Variants in CPED1 observed in about 807,000 individuals in gnomAD.
CPED1 encodes cadherin-like and PC-esterase domain-containing protein 1.
Under a neutral mutation model 128.2 loss-of-function variants are expected in CPED1, and 114 were observed. The ratio of observed to expected loss-of-function variants is 0.89; its 90% CI spans 0.76 to 1.04. The LOEUF is 1.04. Ranked by LOEUF, CPED1 falls within the 50% of genes least tolerant of loss-of-function variation. The pLI is 0.00. For synonymous variants in CPED1, 462 were observed against 426.7 expected (o/e 1.08, Z -1.02); for missense variants, 1,211 against 1,207.1 (o/e 1.00, Z -0.05).
chr7:121,120,977 AAAAAAAAAAAC>A (rs1418955183), intron 7 of CPED1, among the ~76,000 whole-genome samples: 2 of 150,416 alleles, frequency 1.3e-5, no homozygotes. Context: ...AAAAAAAAAA[AAAAAAAAAAAC>A]AAAAAAACTC....
chr7:121,256,217 A>T lies in CPED1; in HGVS notation c.2311-10010A>T, dbSNP rs568916492. Among the ~76,000 whole-genome samples, 95 of 152,042 alleles carry T rather than the reference A, an allele frequency of 6.2e-4. 1 individual carries two copies. The highest frequency in any genetic ancestry group is 2.1e-3 in the African/African-American group (89 of 41,506). On this transcript the variant is annotated intron_variant, in intron 18 of 22. Coordinates refer to ENST00000310396, the MANE Select transcript of CPED1 (RefSeq NM_024913.5). Reference sequence around the variant, plus strand: ...GCTGCAATAACCAAAACAACATGGTACTGACTCAAAACCAGACACATAGAC... The same window carrying T: ...GCTGCAATAACCAAAACAACATGGTTCTGACTCAAAACCAGACACATAGAC...
chr7:121,261,387 G>T (rs915823749), intron 18 of CPED1, among the ~76,000 whole-genome samples: 2 of 152,020 alleles, frequency 1.3e-5, no homozygotes, highest in Non-Finnish European at 2.9e-5. Context: ...TGAACAGAGG[G>T]TTTAGTTTTT....
At chr7:121,080,069 A>G (rs1040007988) in intron 5 of CPED1, among the ~76,000 whole-genome samples, 7 of 152,214 alleles carry the variant, frequency 4.6e-5, no homozygotes, top group Non-Finnish European at 1.0e-4. Context: ...TGTCTGTATA[A>G]TACCAAAACA....
rs151309970 is a variant in CPED1 at position 121,273,277 on chromosome 7, C to G, written c.2868+1847C>G. The stretch of plus-strand genomic sequence containing the variant: ...GTAGCTCACACCTGTAATCTCAGCA[C>G]TTTGGGAGGCTGAGGCGGGTGGATC... On this transcript the variant is annotated intron_variant, in intron 22 of 22. Coordinates refer to ENST00000310396, the MANE Select transcript of CPED1 (RefSeq NM_024913.5). 7.8e-3 allele frequency among the ~76,000 whole-genome samples: 1,180 copies of G among 152,128 alleles called. 12 individuals are homozygous for G. Among genetic ancestry groups the G allele is most frequent in the South Asian group, 0.018 (88 of 4,810 alleles).
rs558240195 is a variant in CPED1 at position 121,103,927 on chromosome 7, T to TA, written c.918+3841dup. On this transcript the variant is annotated intron_variant, in intron 7 of 22. Coordinates refer to ENST00000310396, the MANE Select transcript of CPED1 (RefSeq NM_024913.5). Reference sequence around the variant, plus strand: ...TTATCTGTTAAAGCTTTGGAGAGAGTAAAAAAAATCAAGAAATGCAAATTT... The same window carrying TA: ...TTATCTGTTAAAGCTTTGGAGAGAGTAAAAAAAAATCAAGAAATGCAAATTT... 2.5e-4 allele frequency among the ~76,000 whole-genome samples: 38 copies of TA among 151,832 alleles called. No individual in the cohort carries two copies. The South Asian group carries it at 4.4e-3, about 17-fold the overall frequency.
intron 16 of CPED1, among the ~76,000 whole-genome samples, chr7:121,152,782 CTTAAA>C (rs1394083519): frequency 6.6e-6 from 1 of 152,040 alleles, no homozygotes; most frequent in Non-Finnish European, 1.5e-5. Flanking sequence ...TTTCAAATTT[CTTAAA>C]TTTAAGTTTA....
At chr7:121,171,401 C>T (rs774912555) in intron 16 of CPED1, among the ~76,000 whole-genome samples, 3 of 152,140 alleles carry the variant, frequency 2.0e-5, no homozygotes, top group Non-Finnish European at 4.4e-5. Flanking sequence ...GTCCAATTAG[C>T]TAGTAAATTT....
chr7:121,172,304 A>G (rs1484469833), intron 16 of CPED1, among the ~76,000 whole-genome samples: 1 of 152,184 alleles, frequency 6.6e-6, no homozygotes, highest in Admixed American at 6.5e-5. Context: ...TTAGTTTACA[A>G]TGCGAAGCAG....
In CPED1 at chr7:121,103,286, C is replaced by G. The variant is rs141501683; in HGVS notation, c.918+3192C>G. On this transcript the variant is annotated intron_variant, in intron 7 of 22. Coordinates refer to ENST00000310396, the MANE Select transcript of CPED1 (RefSeq NM_024913.5). ...TGGGATTTATCTTTTCAAGATCTTG[C>G]CTGATTATTCTGGACAATACTGTTA... 5.9e-4 allele frequency among the ~76,000 whole-genome samples: 90 copies of G among 152,200 alleles called. 1 individual carries two copies. The highest frequency in any genetic ancestry group is 1.9e-3 in the African/African-American group (80 of 41,536).
intron 16 of CPED1, among the ~76,000 whole-genome samples, chr7:121,207,113 A>G (rs945909352): frequency 7.9e-5 from 12 of 151,936 alleles, no homozygotes; most frequent in African/African-American, 2.9e-4. Flanking sequence ...ATAATATTTC[A>G]TTTTATGAAT....
chr7:121,158,291 G>T (rs890150750), intron 16 of CPED1, among the ~76,000 whole-genome samples: 3 of 152,132 alleles, frequency 2.0e-5, no homozygotes, highest in African/African-American at 2.4e-5. Context: ...TTTGTGTAAA[G>T]CCCCCAAAAT....
intron 16 of CPED1, among the ~76,000 whole-genome samples, chr7:121,184,095 C>T (rs890712265): frequency 2.0e-5 from 3 of 151,446 alleles, no homozygotes; most frequent in Non-Finnish European, 4.4e-5. Flanking sequence ...AGCCAATATT[C>T]GCGCCACTGC....
At chr7:121,112,799 T>A (rs990415063) in intron 7 of CPED1, among the ~76,000 whole-genome samples, 1 of 152,108 alleles carries the variant, frequency 6.6e-6, no homozygotes, top group African/African-American at 2.4e-5. Context: ...GGGGTGTGCA[T>A]ACTGGGATAG....
intron 18 of CPED1, among the ~76,000 whole-genome samples, chr7:121,255,717 GA>G (rs1342780931): frequency 6.6e-6 from 1 of 151,964 alleles, no homozygotes; most frequent in Non-Finnish European, 1.5e-5. Context: ...GAAGTTTTAG[GA>G]TACAAAATCA....
At chr7:121,034,437 G>A (rs1792831983) in intron 3 of CPED1, among the ~76,000 whole-genome samples, 1 of 151,756 alleles carries the variant, frequency 6.6e-6, no homozygotes, top group South Asian at 2.1e-4. Flanking sequence ...TAGTAGAGAT[G>A]TAGTCTCACC....
chr7:121,050,030 T>TA (rs1320810696), intron 4 of CPED1, among the ~76,000 whole-genome samples: 1 of 152,170 alleles, frequency 6.6e-6, no homozygotes, highest in Non-Finnish European at 1.5e-5. Context: ...ATCAGCTGCT[T>TA]AAATCTGTTA....
intron 16 of CPED1, among the ~76,000 whole-genome samples, chr7:121,184,100 C>T (rs1193429899): frequency 6.6e-6 from 1 of 150,810 alleles, no homozygotes; most frequent in Non-Finnish European, 1.5e-5. Flanking sequence ...ATATTCGCGC[C>T]ACTGCACTGC....
intron 16 of CPED1, among the ~76,000 whole-genome samples, chr7:121,159,030 G>C (rs10228519): frequency 0.54 from 82,620 of 151,746 alleles, 22,873 homozygotes; most frequent in East Asian, 0.84. Context: ...CCAACCCCCC[G>C]AAATATATTT....
At chr7:121,080,478 C>G (rs150690963) in intron 5 of CPED1, among the ~76,000 whole-genome samples, 213 of 152,118 alleles carry the variant, frequency 1.4e-3, no homozygotes, top group African/African-American at 4.7e-3. Flanking sequence ...AATTTTTTTG[C>G]AGAAGTGGTC....
Sources: allele counts gnomAD v4.1 joint callset (sites outside exome capture counted in the v4.1 genomes callset), GRCh38; gene constraint gnomAD v4.1.1; transcripts MANE v1.5; gene names NCBI Gene and HGNC (gene_info 2026-07-23, HGNC 2026-07-21).